The following ATXN8OS variants were observed in gnomAD, a reference collection of about 807,000 sequenced individuals.
ATXN8OS encodes the protein ATXN8 opposite strand lncRNA.
At chr13:70,121,793 AGTAAAG>A (rs1888363546) in intron 2 of ATXN8OS, among the ~76,000 whole-genome samples, 1 of 152,064 alleles carries the variant, frequency 6.6e-6, no homozygotes, top group Non-Finnish European at 1.5e-5. Context: ...TAGAAGTGAG[AGTAAAG>A]GTAAGATCTT....
intron 3 of ATXN8OS, among the ~76,000 whole-genome samples, chr13:70,147,200 T>A (rs1286802660): frequency 1.3e-5 from 2 of 152,206 alleles, no homozygotes; most frequent in African/African-American, 4.8e-5. Flanking sequence ...ACTTGCGTTC[T>A]AGAAAAGAAA....
chr13:70,139,905 T>C (rs1888685806), intron 3 of ATXN8OS, among the ~76,000 whole-genome samples: 1 of 152,194 alleles, frequency 6.6e-6, no homozygotes, highest in East Asian at 1.9e-4. Context: ...GTTTTGGATA[T>C]TTTCAAGGTT....
chr13:70,143,758 G>A (rs901178717), intron 3 of ATXN8OS, among the ~76,000 whole-genome samples: 4 of 152,036 alleles, frequency 2.6e-5, no homozygotes, highest in African/African-American at 4.8e-5. Flanking sequence ...GGCAGAATTC[G>A]TGTTTAAGTG....
chr13:70,107,926 G>C, exon 1 of ATXN8OS: 1 of 497,456 alleles, frequency 2.0e-6, no homozygotes, highest in Non-Finnish European at 3.5e-6. Context: ...GGACCTGGGC[G>C]TGGGGACACC....
chr13:70,147,752 T>C (rs1193864594), intron 4 of ATXN8OS, among the ~76,000 whole-genome samples: 1 of 152,144 alleles, frequency 6.6e-6, no homozygotes, highest in Non-Finnish European at 1.5e-5. Context: ...TTAAGGACCA[T>C]GGCCTGTGAC....
intron 4 of ATXN8OS, among the ~76,000 whole-genome samples, chr13:70,164,854 C>A (rs1889060604): frequency 1.3e-5 from 2 of 151,784 alleles, no homozygotes; most frequent in Admixed American, 1.3e-4. Context: ...CAACTATGTG[C>A]AATAACTGAA....
chr13:70,164,972 G>A (rs1306570176), intron 4 of ATXN8OS, among the ~76,000 whole-genome samples: 3 of 151,906 alleles, frequency 2.0e-5, no homozygotes, highest in African/African-American at 7.2e-5. Flanking sequence ...TCAGAAAAGT[G>A]ACACTCTAAA....
chr13:70,137,991 T>C (rs1308076748), intron 3 of ATXN8OS, among the ~76,000 whole-genome samples: 1 of 152,144 alleles, frequency 6.6e-6, no homozygotes, highest in Non-Finnish European at 1.5e-5. Flanking sequence ...AAGGGGGAAG[T>C]GCTACACACT....
At chr13:70,169,639 G>A (rs547073633) in intron 4 of ATXN8OS, among the ~76,000 whole-genome samples, 2 of 152,010 alleles carry the variant, frequency 1.3e-5, no homozygotes, top group South Asian at 2.1e-4. Context: ...GTAAACTGAT[G>A]ATCTGTTTAA....
At chr13:70,157,909 G>T (rs1888957164) in intron 4 of ATXN8OS, among the ~76,000 whole-genome samples, 1 of 152,134 alleles carries the variant, frequency 6.6e-6, no homozygotes, top group Non-Finnish European at 1.5e-5. Flanking sequence ...AACTATCCAT[G>T]ATTTAAAATT....
intron 4 of ATXN8OS, among the ~76,000 whole-genome samples, chr13:70,161,933 G>A (rs1889014970): frequency 6.6e-6 from 1 of 151,542 alleles, no homozygotes; most frequent in South Asian, 2.1e-4. Flanking sequence ...GGAAGACAAG[G>A]TAATACAGAA....
Position 70,156,519 on chromosome 13 carries a change from C to T in ATXN8OS, n.573+9091C>T, listed in dbSNP as rs1404068816. Among the ~76,000 whole-genome samples, 12 of 151,856 alleles carry T rather than the reference C, an allele frequency of 7.9e-5. 1 individual carries two copies. The highest frequency in any genetic ancestry group is 1.5e-4 in the Non-Finnish European group (10 of 67,962). On this transcript the variant is annotated intron_variant and non_coding_transcript_variant, in intron 4 of 4. Transcript: ENST00000678624. ...TTCTACATATAAAGAAAATAAGCTCCTAATGTATTTATATATTTTCTGAGA... is the reference window on the plus strand; with the variant it reads ...TTCTACATATAAAGAAAATAAGCTCTTAATGTATTTATATATTTTCTGAGA...
intron 4 of ATXN8OS, among the ~76,000 whole-genome samples, chr13:70,164,837 CTA>C (rs1889060393): frequency 6.6e-6 from 1 of 151,846 alleles, no homozygotes; most frequent in African/African-American, 2.4e-5. Context: ...GATGAGCTTC[CTA>C]TATTCAACTA....
intron 3 of ATXN8OS, among the ~76,000 whole-genome samples, chr13:70,135,694 A>G (rs58229868): frequency 0.065 from 9,861 of 152,098 alleles, 526 homozygotes; most frequent in East Asian, 0.29. Context: ...TACAAATTTC[A>G]TGATAGGAAA....
chr13:70,168,390 C>A (rs1215887601), intron 4 of ATXN8OS, among the ~76,000 whole-genome samples: 1 of 151,994 alleles, frequency 6.6e-6, no homozygotes, highest in Non-Finnish European at 1.5e-5. Flanking sequence ...TCTCTTCTAG[C>A]TATTTTGAAA....
At chr13:70,118,571 AAGAG>A (rs766876732) in intron 2 of ATXN8OS, among the ~76,000 whole-genome samples, 5 of 151,946 alleles carry the variant, frequency 3.3e-5, no homozygotes, top group South Asian at 4.1e-4. Context: ...CATAGAGAGG[AAGAG>A]AGAGAGAGAC....
intron 4 of ATXN8OS, among the ~76,000 whole-genome samples, chr13:70,165,187 G>A (rs373357357): frequency 3.3e-5 from 5 of 151,890 alleles, no homozygotes; most frequent in Middle Eastern, 3.4e-3. Context: ...TCAGGAAAAC[G>A]AAAGCATATT....
chr13:70,140,519 A>AACAC (rs1555300642), intron 3 of ATXN8OS, among the ~76,000 whole-genome samples: 1,864 of 100,732 alleles, frequency 0.019, 49 homozygotes, highest in African/African-American at 0.055. Flanking sequence ...TGCTTACCAT[A>AACAC]ACACACACAC....
intron 2 of ATXN8OS, among the ~76,000 whole-genome samples, chr13:70,127,817 A>C (rs1888462864): frequency 6.6e-6 from 1 of 151,934 alleles, no homozygotes; most frequent in African/African-American, 2.4e-5. Context: ...GAATTATCCA[A>C]GCAGAGGCTA....
Sources: gnomAD v4.1 joint callset for allele counts (sites outside exome capture counted in the v4.1 genomes callset) on GRCh38, gnomAD v4.1.1 for gene constraint, MANE v1.5 for transcripts, NCBI Gene and HGNC (gene_info 2026-07-23, HGNC 2026-07-21) for gene names.